ROBO2: variants seen among roughly 807,000 people sequenced by gnomAD.
The protein encoded by ROBO2 is roundabout guidance receptor 2, also known as roundabout homolog 2.
Under a neutral mutation model 160.8 loss-of-function variants are expected in ROBO2, and 53 were observed. The observed-to-expected ratio is 0.33, with a 90% CI of 0.26 to 0.41. The LOEUF (loss-of-function observed/expected upper bound fraction) is 0.41, where lower values mean the gene tolerates loss of function less well. ROBO2 is among the 10% of genes least tolerant of loss of function. The probability of loss-of-function intolerance (pLI) is 1.00; values close to 1 mark genes in which losing one functional copy is unlikely to be tolerated. For synonymous variants in ROBO2, 664 were observed against 611.7 expected (o/e 1.09, Z -1.26); for missense variants, 1,577 against 1,722.4 (o/e 0.92, Z 1.49).
intron 2 of ROBO2, among the ~76,000 whole-genome samples, chr3:76,484,174 C>A (rs1484044852): frequency 6.6e-6 from 1 of 152,016 alleles, no homozygotes; most frequent in Non-Finnish European, 1.5e-5. Context: ...TGCACTTGTA[C>A]GTCTGACATT....
At chr3:76,472,708 T>G (rs2078729754) in intron 2 of ROBO2, among the ~76,000 whole-genome samples, 1 of 152,196 alleles carries the variant, frequency 6.6e-6, no homozygotes, top group Admixed American at 6.6e-5. Context: ...CTCTTAAAAA[T>G]GTTTCAATTT....
intron 2 of ROBO2, among the ~76,000 whole-genome samples, chr3:76,706,937 A>G (rs189200397): frequency 3.3e-5 from 5 of 152,202 alleles, no homozygotes; most frequent in African/African-American, 1.2e-4. Flanking sequence ...ACAGATGTCT[A>G]TGGGAGAATA....
At chr3:76,250,692 A>G (rs1705938404) in intron 2 of ROBO2, among the ~76,000 whole-genome samples, 1 of 152,080 alleles carries the variant, frequency 6.6e-6, no homozygotes, top group Non-Finnish European at 1.5e-5. Flanking sequence ...TATCTGGTAA[A>G]GCACTCGAAA....
chr3:76,538,782 CCTTT>C (rs772633830), intron 2 of ROBO2, among the ~76,000 whole-genome samples: 23 of 152,268 alleles, frequency 1.5e-4, no homozygotes, highest in Non-Finnish European at 3.1e-4. Flanking sequence ...TTTGTTCCCA[CCTTT>C]CTTTATGTCC....
chr3:77,088,034 T>C (rs2069583205), intron 1 of ROBO2, among the ~76,000 whole-genome samples: 1 of 152,032 alleles, frequency 6.6e-6, no homozygotes, highest in African/African-American at 2.4e-5. Context: ...TGGGGCCCAC[T>C]TGCTCAGACA....
chr3:77,635,444 T>A (rs2095248000), intron 24 of ROBO2, among the ~76,000 whole-genome samples: 1 of 152,214 alleles, frequency 6.6e-6, no homozygotes, highest in Non-Finnish European at 1.5e-5. Flanking sequence ...ACTTTTGAAA[T>A]GATTTAGTAA....
intron 2 of ROBO2, among the ~76,000 whole-genome samples, chr3:76,212,454 T>A (rs1394866747): frequency 6.6e-6 from 1 of 151,998 alleles, no homozygotes; most frequent in Non-Finnish European, 1.5e-5. Flanking sequence ...TAATTTAAAA[T>A]ATATATTTAA....
At chr3:77,514,044 ATC>A (rs1186912053) in intron 5 of ROBO2, among the ~76,000 whole-genome samples, 1 of 151,668 alleles carries the variant, frequency 6.6e-6, no homozygotes, top group Non-Finnish European at 1.5e-5. Flanking sequence ...ATGTTTTTTC[ATC>A]TGTTTCTTTT....
intron 20 of ROBO2, among the ~76,000 whole-genome samples, chr3:77,605,569 C>T (rs558072437): frequency 7.9e-5 from 12 of 152,226 alleles, no homozygotes; most frequent in East Asian, 5.8e-4. Context: ...ATGAATCACC[C>T]GTTTCCCAAA....
chr3:76,533,864 A>G (rs913000006), intron 2 of ROBO2, among the ~76,000 whole-genome samples: 1 of 152,142 alleles, frequency 6.6e-6, no homozygotes, highest in African/African-American at 2.4e-5. Context: ...GTAGGGCAGG[A>G]ACGAGTCATA....
chr3:76,482,982 T>C (rs2079291386), intron 2 of ROBO2, among the ~76,000 whole-genome samples: 1 of 151,658 alleles, frequency 6.6e-6, no homozygotes. Flanking sequence ...CAAATTAATA[T>C]TTTATTTAAA....
At chr3:76,073,699 C>T (rs147737820) in intron 2 of ROBO2, among the ~76,000 whole-genome samples, 1 of 152,252 alleles carries the variant, frequency 6.6e-6, no homozygotes, top group East Asian at 1.9e-4. Flanking sequence ...GTCAAAGGCA[C>T]TTGGGACGCT....
At chr3:76,597,475 T>C (rs1839053) in intron 2 of ROBO2, among the ~76,000 whole-genome samples, 40,829 of 151,984 alleles carry the variant, frequency 0.27, 6,608 homozygotes, top group East Asian at 0.41. Flanking sequence ...TGGAAGAGGA[T>C]ACATAAATGA....
intron 5 of ROBO2, among the ~76,000 whole-genome samples, chr3:77,518,204 G>A (rs1385468380): frequency 6.6e-6 from 1 of 151,412 alleles, no homozygotes; most frequent in Non-Finnish European, 1.5e-5. Flanking sequence ...CCTTGTCACA[G>A]GAGCAAGTGG....
intron 2 of ROBO2, among the ~76,000 whole-genome samples, chr3:77,467,746 C>T (rs1008535608): frequency 1.4e-5 from 2 of 148,018 alleles, no homozygotes; most frequent in African/African-American, 2.5e-5. Context: ...TTAAAAAGCA[C>T]TAATATAAAA....
chr3:77,400,815 G>T (rs1048675839), intron 2 of ROBO2, among the ~76,000 whole-genome samples: 2 of 152,242 alleles, frequency 1.3e-5, no homozygotes, highest in Admixed American at 6.5e-5. Flanking sequence ...CTGAGATAGA[G>T]CCTGGTTAAG....
chr3:76,602,817 A>C (rs2087262574), intron 2 of ROBO2, among the ~76,000 whole-genome samples: 1 of 152,052 alleles, frequency 6.6e-6, no homozygotes, highest in East Asian at 1.9e-4. Flanking sequence ...GGGAGTTACA[A>C]TTCAAGATGA....
chr3:76,311,647 C>T (rs537956128), intron 2 of ROBO2, among the ~76,000 whole-genome samples: 1 of 152,314 alleles, frequency 6.6e-6, no homozygotes, highest in East Asian at 1.9e-4. Flanking sequence ...TTACAATGAT[C>T]GTTTCCAGCA....
chr3:76,104,615 T>G (rs930119273), intron 2 of ROBO2, among the ~76,000 whole-genome samples: 8 of 151,852 alleles, frequency 5.3e-5, no homozygotes, highest in Non-Finnish European at 1.2e-4. Flanking sequence ...AATAATCATC[T>G]TAGCAAGTAG....
Sources: allele counts gnomAD v4.1 joint callset (sites outside exome capture counted in the v4.1 genomes callset), GRCh38; gene constraint gnomAD v4.1.1; transcripts MANE v1.5; gene names NCBI Gene and HGNC (gene_info 2026-07-23, HGNC 2026-07-21).